The following DHX15 variants were observed in gnomAD, a reference collection of about 807,000 sequenced individuals.
DHX15 encodes ATP-dependent RNA helicase DHX15.
In DHX15, 11 loss-of-function variants were observed where a neutral mutation model predicts 94.4. That is an observed-to-expected ratio of 0.12 (90% confidence interval 0.07 to 0.19). The LOEUF (loss-of-function observed/expected upper bound fraction) is 0.19. Among genes scored for constraint, DHX15 ranks in the 10% least tolerant of loss-of-function variants. DHX15 has a pLI of 1.00. For missense variants in DHX15, 304 were observed against 988.5 expected (o/e 0.31, Z 9.29); for synonymous variants, 338 against 329.9 (o/e 1.02, Z -0.27).
At chr4:24,548,142 T>TA (rs1341166852) in intron 6 of DHX15, among the ~76,000 whole-genome samples, 1 of 127,064 alleles carries the variant, frequency 7.9e-6, no homozygotes, top group Non-Finnish European at 1.6e-5. Context: ...CAGTGCTACT[T>TA]TTTTTTTTTT....
chr4:24,547,893 G>T (rs1300037475), intron 6 of DHX15, among the ~76,000 whole-genome samples: 1 of 66,736 alleles, frequency 1.5e-5, no homozygotes, highest in Non-Finnish European at 3.3e-5. Flanking sequence ...CTCTCTCTAT[G>T]TATGTATGTG....
At chr4:24,564,341 C>A (rs370248477) in intron 3 of DHX15, among the ~76,000 whole-genome samples, 1 of 152,012 alleles carries the variant, frequency 6.6e-6, no homozygotes, top group South Asian at 2.1e-4. Flanking sequence ...TGGGGTACTA[C>A]GAAGAAATTA....
chr4:24,568,001 A>G (rs1722033003), intron 3 of DHX15, among the ~76,000 whole-genome samples: 1 of 152,258 alleles, frequency 6.6e-6, no homozygotes, highest in South Asian at 2.1e-4. Flanking sequence ...AAAAGAGCAC[A>G]GTGTCAGATC....
intron 11 of DHX15, among the ~76,000 whole-genome samples, chr4:24,535,457 T>C (rs747656674): frequency 6.6e-6 from 1 of 152,206 alleles, no homozygotes; most frequent in Non-Finnish European, 1.5e-5. Context: ...TTTGAGTAGA[T>C]CTGTCTAATC....
At chr4:24,554,573 GA>G in intron 5 of DHX15, 151 bp downstream of exon 5, 1 of 609,976 alleles carries the variant, frequency 1.6e-6, no homozygotes, top group Non-Finnish European at 2.9e-6. Flanking sequence ...ACAGTATGCA[GA>G]TAAAAGGGGT....
At chr4:24,556,530 A>C in intron 3 of DHX15, 120 bp from the exon 4 acceptor site, 1 of 790,228 alleles carries the variant, frequency 1.3e-6, no homozygotes. Context: ...TGCCCCAAAC[A>C]AATGTGCTAC....
chr4:24,567,233 A>C (rs542640667), intron 3 of DHX15, among the ~76,000 whole-genome samples: 1 of 152,314 alleles, frequency 6.6e-6, no homozygotes, highest in East Asian at 1.9e-4. Flanking sequence ...TTTCTTCCCT[A>C]AAAAATTATC....
At chr4:24,551,989 G>A (rs1224068325) in intron 5 of DHX15, among the ~76,000 whole-genome samples, 3 of 152,136 alleles carry the variant, frequency 2.0e-5, no homozygotes, top group Non-Finnish European at 2.9e-5. Flanking sequence ...AGGATATAAA[G>A]GCATCTCTAA....
At chr4:24,582,653 G>C (rs564811560) in intron 1 of DHX15, among the ~76,000 whole-genome samples, 1 of 152,292 alleles carries the variant, frequency 6.6e-6, no homozygotes, top group African/African-American at 2.4e-5. Context: ...CTACAGTACT[G>C]AACTGTGTGC....
At chr4:24,543,132 G>T in intron 6 of DHX15, 106 bp from the exon 7 acceptor site, 2 of 689,904 alleles carry the variant, frequency 2.9e-6, no homozygotes, top group Admixed American at 2.8e-5. Flanking sequence ...TTTCAAGCCA[G>T]CAAATAAACT....
At chr4:24,528,136 G>A (rs2109389435) in intron 13 of DHX15, 95 bp from the exon 14 acceptor site, 3 of 733,750 alleles carry the variant, frequency 4.1e-6, no homozygotes, top group East Asian at 5.0e-5. Context: ...ATATACTGAT[G>A]AACCAAGGCA....
chr4:24,584,163 C>G, intron 1 of DHX15, 160 bp downstream of exon 1: 1 of 739,854 alleles, frequency 1.4e-6, no homozygotes, highest in South Asian at 1.8e-5. Flanking sequence ...CCGGGCCGAA[C>G]GGGCGCCGCG....
At chr4:24,531,340 G>A (rs927942786) in intron 12 of DHX15, among the ~76,000 whole-genome samples, 3 of 151,822 alleles carry the variant, frequency 2.0e-5, no homozygotes, top group Non-Finnish European at 4.4e-5. Flanking sequence ...CACCCGCCTC[G>A]GCCTCCCAAA....
intron 3 of DHX15, among the ~76,000 whole-genome samples, chr4:24,562,095 C>G (rs1195602941): frequency 1.5e-5 from 2 of 130,320 alleles, no homozygotes; most frequent in African/African-American, 2.8e-5. Context: ...GAGATTGGGT[C>G]ACTGCACTCC....
chr4:24,531,412 C>G (rs1383914042), intron 12 of DHX15, among the ~76,000 whole-genome samples: 1 of 151,582 alleles, frequency 6.6e-6, no homozygotes, highest in Non-Finnish European at 1.5e-5. Flanking sequence ...ATATAAAAAG[C>G]AAATTTAAGA....
Position 24,541,866 on chromosome 4 carries a change from C to T in DHX15, c.1485+7G>A. On this transcript the variant is annotated splice_region_variant and intron_variant, in intron 8 of 13. Coordinates refer to ENST00000336812, the MANE Select transcript of DHX15 (RefSeq NM_001358.3). The stretch of plus-strand genomic sequence containing the variant: ...ACATATCGGCAGGAAACGACAATAC[C>T]CCATACCTGCATTTCTGTTTTATAA... The T allele has an allele frequency of 6.4e-7, 1 of 1,574,058 alleles. No homozygotes were observed. Among genetic ancestry groups the T allele is most frequent in the South Asian group, 1.2e-5 (1 of 86,844 alleles).
intron 6 of DHX15, among the ~76,000 whole-genome samples, chr4:24,548,375 C>T (rs1482895408): frequency 6.6e-6 from 1 of 151,958 alleles, no homozygotes; most frequent in African/African-American, 2.4e-5. Flanking sequence ...AAACTCCTGA[C>T]CTCGTGATCC....
intron 7 of DHX15, among the ~76,000 whole-genome samples, chr4:24,542,597 T>C (rs1254316939): frequency 2.0e-5 from 3 of 152,276 alleles, no homozygotes; most frequent in East Asian, 1.9e-4. Context: ...GTAACTCTAA[T>C]AATGTTGGGA....
At chr4:24,562,018 C>A (rs1332786023) in intron 3 of DHX15, among the ~76,000 whole-genome samples, 2 of 150,724 alleles carry the variant, frequency 1.3e-5, no homozygotes, top group African/African-American at 4.9e-5. Flanking sequence ...GTAGCCCCAG[C>A]TACTTGGGAG....
Sources: gnomAD v4.1 joint callset for allele counts (sites outside exome capture counted in the v4.1 genomes callset) on GRCh38, gnomAD v4.1.1 for gene constraint, MANE v1.5 for transcripts, NCBI Gene and HGNC (gene_info 2026-07-23, HGNC 2026-07-21) for gene names.